Variants in NRG3 observed in about 807,000 individuals in gnomAD.
The protein encoded by NRG3 is neuregulin 3, also known as pro-neuregulin-3, membrane-bound isoform.
NRG3 carries 31 observed loss-of-function variants against 66.9 expected under a neutral mutation model. The ratio of observed to expected loss-of-function variants is 0.46; its 90% CI spans 0.35 to 0.63. NRG3 has a LOEUF of 0.63. Among genes scored for constraint, NRG3 ranks in the 20% least tolerant of loss-of-function variants. NRG3 has a pLI of 0.00. For synonymous variants in NRG3, 393 were observed against 359.4 expected, an observed-to-expected ratio of 1.09 and a Z score of -1.06; for missense variants, 910 against 878.9, an observed-to-expected ratio of 1.04 and a Z score of -0.45.
chr10:82,173,674 AACAC>A (rs3037392), intron 1 of NRG3, among the ~76,000 whole-genome samples: 98 of 146,610 alleles, frequency 6.7e-4, no homozygotes, highest in Middle Eastern at 6.9e-3. Context: ...TGCATATGTG[AACAC>A]ACACACACAC....
intron 2 of NRG3, among the ~76,000 whole-genome samples, chr10:82,585,414 G>C (rs548772349): frequency 6.0e-4 from 92 of 152,224 alleles, no homozygotes; most frequent in African/African-American, 2.1e-3. Flanking sequence ...AGTTTCCCCA[G>C]AACTTAATCA....
intron 1 of NRG3, among the ~76,000 whole-genome samples, chr10:82,032,381 T>C (rs2062610904): frequency 8.3e-6 from 1 of 120,794 alleles, no homozygotes; most frequent in African/African-American, 3.0e-5. Flanking sequence ...AGGCCTCTCT[T>C]GGTTCCTGGT....
chr10:82,973,451 A>T (rs1379516141), intron 6 of NRG3, among the ~76,000 whole-genome samples: 1 of 152,166 alleles, frequency 6.6e-6, no homozygotes, highest in Non-Finnish European at 1.5e-5. Flanking sequence ...TTTTGGTAAG[A>T]TGTACATCAA....
At chr10:82,130,791 G>C (rs2068767119) in intron 1 of NRG3, among the ~76,000 whole-genome samples, 1 of 152,126 alleles carries the variant, frequency 6.6e-6, no homozygotes, top group South Asian at 2.1e-4. Context: ...CTGGTGATCA[G>C]TGTTGTTAAG....
At chr10:82,308,835 C>T (rs532647359) in intron 1 of NRG3, among the ~76,000 whole-genome samples, 154 of 152,210 alleles carry the variant, frequency 1.0e-3, no homozygotes, top group African/African-American at 3.6e-3. Flanking sequence ...TAGAGCCGTG[C>T]GGTGGGTGGC....
intron 1 of NRG3, among the ~76,000 whole-genome samples, chr10:81,905,507 T>C (rs1483513357): frequency 1.3e-5 from 2 of 152,182 alleles, no homozygotes; most frequent in African/African-American, 2.4e-5. Flanking sequence ...AACAATATTT[T>C]CTTTTATATC....
chr10:82,144,389 G>A (rs1050647097), intron 1 of NRG3, among the ~76,000 whole-genome samples: 4 of 152,108 alleles, frequency 2.6e-5, no homozygotes, highest in South Asian at 2.1e-4. Context: ...TCTTGTGCTC[G>A]CACGTCCCAG....
chr10:82,818,884 A>G (rs1037179278), intron 3 of NRG3, among the ~76,000 whole-genome samples: 3 of 152,214 alleles, frequency 2.0e-5, no homozygotes, highest in Non-Finnish European at 4.4e-5. Flanking sequence ...TTGATTGTCC[A>G]TACAATTTTA....
intron 4 of NRG3, among the ~76,000 whole-genome samples, chr10:82,926,115 T>C (rs917464324): frequency 6.6e-6 from 1 of 152,182 alleles, no homozygotes; most frequent in Non-Finnish European, 1.5e-5. Context: ...TAGAAAATAT[T>C]TGGAAAAGAA....
chr10:81,985,980 G>C (rs932748567), intron 1 of NRG3, among the ~76,000 whole-genome samples: 7 of 152,188 alleles, frequency 4.6e-5, no homozygotes, highest in Admixed American at 4.6e-4. Context: ...AATTAGTAGA[G>C]GGAGTACACT....
At chr10:82,011,379 A>G (rs1461555157) in intron 1 of NRG3, among the ~76,000 whole-genome samples, 1 of 152,156 alleles carries the variant, frequency 6.6e-6, no homozygotes, top group Non-Finnish European at 1.5e-5. Context: ...AAATGGGATT[A>G]TTACAATTCA....
intron 2 of NRG3, among the ~76,000 whole-genome samples, chr10:82,585,023 G>A (rs1440920341): frequency 7.4e-5 from 11 of 149,500 alleles, no homozygotes; most frequent in Admixed American, 3.4e-4. Context: ...GGGGGGGAAC[G>A]GGGGGAGTTT....
At chr10:82,526,373 G>A (rs917903389) in intron 2 of NRG3, among the ~76,000 whole-genome samples, 4 of 151,610 alleles carry the variant, frequency 2.6e-5, no homozygotes, top group South Asian at 2.1e-4. Context: ...GGAGAACACA[G>A]GGTGGTTGAA....
intron 1 of NRG3, among the ~76,000 whole-genome samples, chr10:81,953,997 A>G (rs961172862): frequency 2.6e-5 from 4 of 152,230 alleles, no homozygotes; most frequent in African/African-American, 7.2e-5. Flanking sequence ...AGTATTTTCC[A>G]ATCAAGCTGA....
At chr10:82,365,348 C>T (rs1167594429) in intron 2 of NRG3, among the ~76,000 whole-genome samples, 1 of 152,152 alleles carries the variant, frequency 6.6e-6, no homozygotes, top group Non-Finnish European at 1.5e-5. Context: ...GTGTTAATAA[C>T]AAGGTGAAGA....
intron 1 of NRG3, among the ~76,000 whole-genome samples, chr10:82,064,297 C>A (rs2064323515): frequency 6.6e-6 from 1 of 152,026 alleles, no homozygotes; most frequent in Non-Finnish European, 1.5e-5. Flanking sequence ...CCTCACAGGG[C>A]TCTCATGGAG....
chr10:82,109,806 G>A (rs2067279560), intron 1 of NRG3, among the ~76,000 whole-genome samples: 1 of 152,016 alleles, frequency 6.6e-6, no homozygotes, highest in Admixed American at 6.6e-5. Context: ...TTCAGTACTA[G>A]TATCCCCATG....
intron 1 of NRG3, among the ~76,000 whole-genome samples, chr10:82,214,488 A>G (rs955758525): frequency 1.3e-5 from 2 of 152,126 alleles, no homozygotes; most frequent in African/African-American, 2.4e-5. Flanking sequence ...CCTTGGAGAC[A>G]AGGTCTCACT....
chr10:82,665,415 C>T (rs1365062657), intron 2 of NRG3, among the ~76,000 whole-genome samples: 4 of 152,140 alleles, frequency 2.6e-5, no homozygotes, highest in Non-Finnish European at 5.9e-5. Flanking sequence ...ATGACCTTGA[C>T]GGTCTCATCT....
Sources: gnomAD v4.1 joint callset for allele counts (sites outside exome capture counted in the v4.1 genomes callset) on GRCh38, gnomAD v4.1.1 for gene constraint, MANE v1.5 for transcripts, NCBI Gene and HGNC (gene_info 2026-07-23, HGNC 2026-07-21) for gene names.